Variants in WDR75 observed in about 807,000 individuals in gnomAD.
The protein encoded by WDR75 is WD repeat-containing protein 75.
Under a neutral mutation model 106.1 loss-of-function variants are expected in WDR75, and 52 were observed. The observed-to-expected ratio is 0.49, with a 90% CI of 0.39 to 0.62. The LOEUF (loss-of-function observed/expected upper bound fraction) is 0.62, where lower values mean the gene tolerates loss of function less well. WDR75 is among the 20% of genes least tolerant of loss of function. The pLI is 0.00. For missense variants in WDR75, 905 were observed against 970.3 expected, an observed-to-expected ratio of 0.93 and a Z score of 0.89; for synonymous variants, 333 against 335.5, an observed-to-expected ratio of 0.99 and a Z score of 0.08.
intron 12 of WDR75, 36 bp downstream of exon 12, chr2:189,465,290 A>G (rs779249127): frequency 5.8e-5 from 89 of 1,538,422 alleles, no homozygotes; most frequent in Non-Finnish European, 7.6e-5. Context: ...ATTTCAAAGT[A>G]TAAAATATTT....
intron 5 of WDR75, among the ~76,000 whole-genome samples, chr2:189,456,123 C>A (rs1195483708): frequency 3.3e-5 from 5 of 152,174 alleles, no homozygotes; most frequent in Admixed American, 3.3e-4. Context: ...GAGTTAATTT[C>A]TCAGAGTAAA....
At chr2:189,451,697 T>C in intron 3 of WDR75, 108 bp from the exon 4 acceptor site, 2 of 875,464 alleles carry the variant, frequency 2.3e-6, no homozygotes, top group Non-Finnish European at 3.6e-6. Context: ...TCTCCTTATG[T>C]TGGGAATACA....
intron 5 of WDR75, chr2:189,455,755 G>A (rs1340808037): frequency 1.1e-5 from 2 of 177,134 alleles, no homozygotes; most frequent in African/African-American, 4.7e-5. Flanking sequence ...TAGAAAATTT[G>A]GAAACTACAG....
At position 189,466,538 on chromosome 2, in the gene WDR75, G is replaced by T. The variant is rs746382723; in HGVS notation, c.1403G>T (p.Gly468Val). Residue 468 changes from glycine (G) to valine (V), a missense_variant, in exon 13 of 21, where the codon GGT becomes GTT. Coordinates refer to ENST00000314761, the MANE Select transcript of WDR75 (RefSeq NM_032168.3). Reference sequence around the variant, plus strand: ...ACCTTGGTTACAGCTAGCAAAGATGGTTACTTCAAAGTATGGATATTAACA... The same window carrying T: ...ACCTTGGTTACAGCTAGCAAAGATGTTTACTTCAAAGTATGGATATTAACA... ...QPTLVTASKD[G>V]YFKVWILTDD... 6.2e-7 allele frequency: 1 copy of T among 1,613,148 alleles called. No individual in the cohort carries two copies. Among genetic ancestry groups the T allele is most frequent in the East Asian group, 2.2e-5 (1 of 44,848 alleles).
rs759724420 is a variant in WDR75 at position 189,451,789 on chromosome 2, G to A, written c.283-16G>A. On this transcript the variant is annotated splice_polypyrimidine_tract_variant and intron_variant, in intron 3 of 20. Coordinates refer to ENST00000314761, the MANE Select transcript of WDR75 (RefSeq NM_032168.3). ...GGGAACAGACAGTAAACACTATGGT[G>A]CTCTTTATCTTTCAGACTTTCATAG... The A allele has an allele frequency of 6.9e-6, 11 of 1,604,150 alleles. No individual in the cohort carries two copies. The Admixed American group carries it at 1.8e-4, about 27-fold the overall frequency.
intron 18 of WDR75, among the ~76,000 whole-genome samples, chr2:189,473,559 C>T (rs1687156658): frequency 6.6e-6 from 1 of 152,132 alleles, no homozygotes; most frequent in Non-Finnish European, 1.5e-5. Flanking sequence ...GATACCACCA[C>T]CACCACCACC....
intron 12 of WDR75, 111 bp from the exon 13 acceptor site, chr2:189,466,314 C>A: frequency 8.6e-7 from 1 of 1,163,228 alleles, no homozygotes; most frequent in Non-Finnish European, 1.3e-6. Context: ...ACGTGATTAT[C>A]AGTTGCCTGT....
chr2:189,452,946 G>A (rs1202153994), intron 4 of WDR75, among the ~76,000 whole-genome samples: 1 of 152,148 alleles, frequency 6.6e-6, no homozygotes, highest in South Asian at 2.1e-4. Context: ...GATTGCTTGA[G>A]GTCAGGAGTT....
chr2:189,457,182 A>G lies in WDR75; in HGVS notation c.499-129A>G, dbSNP rs528658782. 50 of 612,760 alleles carry G rather than the reference A, an allele frequency of 8.2e-5. No individual in the cohort carries two copies. The Admixed American group carries it at 1.4e-3, about 17-fold the overall frequency. The allele number at this position is 612,760 out of a possible 1,614,324, so 38.0% of individuals were successfully genotyped here. A position where few individuals can be genotyped will look rare whatever the true frequency, so the allele number is the denominator to read the frequency against. On this transcript the variant is annotated intron_variant, in intron 5 of 20. Transcript: ENST00000314761. ...CTTGAACTCGGGAGGCAGAGTTTGC[A>G]GTGAGCCGAGATCGCACCATCACAT...
At chr2:189,448,061 GCCACCATGTAAGACATGCCTTTTGCCTT>G (rs1285795846) in intron 1 of WDR75, among the ~76,000 whole-genome samples, 2 of 152,198 alleles carry the variant, frequency 1.3e-5, no homozygotes, top group Non-Finnish European at 2.9e-5. Context: ...GTTTTTGCCT[GCCACCATGTAAGACATGCCTTTTGCCTT>G]CCACCATGAT....
At chr2:189,473,029 C>A (rs923882380) in intron 18 of WDR75, among the ~76,000 whole-genome samples, 4 of 151,926 alleles carry the variant, frequency 2.6e-5, no homozygotes, top group African/African-American at 9.7e-5. Flanking sequence ...ACCAGCCTGG[C>A]CAACATGGCA....
intron 9 of WDR75, among the ~76,000 whole-genome samples, chr2:189,463,363 C>G (rs1408832130): frequency 6.6e-6 from 1 of 152,084 alleles, no homozygotes; most frequent in Non-Finnish European, 1.5e-5. Context: ...TCTAGTAGTA[C>G]TCTGAGTTCA....
chr2:189,466,119 G>T (rs1686994295), intron 12 of WDR75, among the ~76,000 whole-genome samples: 1 of 152,086 alleles, frequency 6.6e-6, no homozygotes, highest in Non-Finnish European at 1.5e-5. Context: ...TACAGAGTTT[G>T]ATACAGTAGG....
At chr2:189,456,936 A>G (rs1408375201) in intron 5 of WDR75, among the ~76,000 whole-genome samples, 1 of 151,898 alleles carries the variant, frequency 6.6e-6, no homozygotes, top group African/African-American at 2.4e-5. Flanking sequence ...TTTGTGGGGG[A>G]GTGTTTCTTT....
chr2:189,474,545 G>A (rs1687175245), intron 19 of WDR75, among the ~76,000 whole-genome samples, 172 bp from the exon 20 acceptor site: 2 of 152,192 alleles, frequency 1.3e-5, no homozygotes, highest in East Asian at 1.9e-4. Flanking sequence ...TGGCATAAAT[G>A]TAGGAAGGTA....
In WDR75 at chr2:189,441,490, A is replaced by G. The variant is rs565763001; in HGVS notation, c.-3A>G. 3.8e-5 allele frequency: 60 copies of G among 1,560,148 alleles called. No homozygotes were observed. Among genetic ancestry groups the G allele is most frequent in the Non-Finnish European group, 4.9e-5 (56 of 1,150,922 alleles). ...AGATTGGCCATTCCGCTACTGCGCAAAGATGGTGGAGGAGGAGAACATCCG... is the reference window on the plus strand; with the variant it reads ...AGATTGGCCATTCCGCTACTGCGCAGAGATGGTGGAGGAGGAGAACATCCG... On this transcript the variant is annotated 5_prime_UTR_variant, in exon 1 of 21. Coordinates refer to ENST00000314761, the MANE Select transcript of WDR75 (RefSeq NM_032168.3).
chr2:189,466,477 C>T lies in WDR75; in HGVS notation c.1342C>T (p.Leu448Phe). 1 of 1,613,228 alleles carries T rather than the reference C, an allele frequency of 6.2e-7. No individual in the cohort carries two copies. Among genetic ancestry groups the T allele is most frequent in the African/African-American group, 1.3e-5 (1 of 74,974 alleles). ...GCCACACGAAGACTGCATTACAGCTCTCTGTTTCTGTAATGCAGAAAAATC... is the reference window on the plus strand; with the variant it reads ...GCCACACGAAGACTGCATTACAGCTTTCTGTTTCTGTAATGCAGAAAAATC... ...NMPHEDCITA[L>F]CFCNAEKSEQ... The change falls in exon 13 of 21, where the codon CTC becomes TTC. Residue 448 changes from leucine (L) to phenylalanine (F), a missense_variant. Physicochemically the swap from Leu to Phe is conservative, Grantham distance 22. Coordinates refer to ENST00000314761, the MANE Select transcript of WDR75 (RefSeq NM_032168.3).
Position 189,448,452 on chromosome 2 carries a change from C to T in WDR75, c.160C>T (p.His54Tyr). ...TACAGAAGAGTGTGTACACATACTG[C>T]ATGGACACAGAAATCTGGTGACTGG... Reference protein sequence around the residue: ...TVTEECVHILHGHRNLVTGIQ... With the variant: ...TVTEECVHILYGHRNLVTGIQ... Residue 54 changes from histidine (H) to tyrosine (Y), a missense_variant, in exon 2 of 21, where the codon CAT (histidine) becomes TAT (tyrosine). His to Tyr is a moderately conservative substitution (Grantham distance 83). Coordinates refer to ENST00000314761, the MANE Select transcript of WDR75 (RefSeq NM_032168.3). 6.2e-7 allele frequency: 1 copy of T among 1,613,928 alleles called. No individual in the cohort carries two copies. The highest frequency in any genetic ancestry group is 8.5e-7 in the Non-Finnish European group (1 of 1,179,844).
rs1226428409 is a variant in WDR75, at chr2:189,475,546, TA to T, written c.*135del. ...TAAATATTAACAAACTTTGCTTTTT[TA>T]AAAAACTGATAATATGAACATGTAT... On this transcript the variant is annotated 3_prime_UTR_variant, in exon 21 of 21. Transcript: ENST00000314761. The T allele has an allele frequency of 1.3e-5, 8 of 596,246 alleles. No individual in the cohort carries two copies. The highest frequency in any genetic ancestry group is 9.5e-5 in the African/African-American group (5 of 52,564). The allele number at this position is 596,246 out of a possible 1,614,324, so 36.9% of individuals were successfully genotyped here. A position where few individuals can be genotyped will look rare whatever the true frequency, so the allele number is the denominator to read the frequency against.
Sources: gnomAD v4.1 joint callset for allele counts (sites outside exome capture counted in the v4.1 genomes callset) on GRCh38, gnomAD v4.1.1 for gene constraint, MANE v1.5 for transcripts, NCBI Gene and HGNC (gene_info 2026-07-23, HGNC 2026-07-21) for gene names.